The following JMJD1C variants were observed in gnomAD, a reference collection of about 807,000 sequenced individuals.
JMJD1C encodes the protein jumonji domain containing 1C.
In JMJD1C, 31 loss-of-function variants were observed where a neutral mutation model predicts 245.3. The ratio of observed to expected loss-of-function variants is 0.13; its 90% CI spans 0.09 to 0.17. The LOEUF is 0.17. Ranked by LOEUF, JMJD1C falls within the 10% of genes least tolerant of loss-of-function variation. The probability of loss-of-function intolerance (pLI) is 1.00; values close to 1 mark genes in which losing one functional copy is unlikely to be tolerated. For synonymous variants in JMJD1C, 1,057 were observed against 1,017.4 expected (o/e 1.04, Z -0.74); for missense variants, 2,691 against 3,000.2 (o/e 0.90, Z 2.41).
At chr10:63,211,286 G>C (rs1326372822) in intron 8 of JMJD1C, among the ~76,000 whole-genome samples, 1 of 151,924 alleles carries the variant, frequency 6.6e-6, no homozygotes, top group Non-Finnish European at 1.5e-5. Context: ...CCAGCATAGT[G>C]AAACCTCGTT....
At chr10:63,249,327 AAAC>A (rs1205151024) in intron 3 of JMJD1C, among the ~76,000 whole-genome samples, 7 of 152,174 alleles carry the variant, frequency 4.6e-5, no homozygotes, top group Admixed American at 6.5e-5. Context: ...AGAAAAAACA[AAAC>A]AACAACAACA....
chr10:63,364,753 C>T (rs942011428), intron 2 of JMJD1C, among the ~76,000 whole-genome samples: 7 of 152,148 alleles, frequency 4.6e-5, no homozygotes, highest in African/African-American at 1.7e-4. Flanking sequence ...TCCCTAAGTG[C>T]TGGGAGTACA....
chr10:63,192,899 A>T, intron 16 of JMJD1C, 39 bp downstream of exon 16: 3 of 1,379,858 alleles, frequency 2.2e-6, no homozygotes, highest in Non-Finnish European at 3.1e-6. Context: ...GTTATACTAT[A>T]CTCCTCTCAC....
At chr10:63,283,323 G>A (rs9415685) in intron 2 of JMJD1C, among the ~76,000 whole-genome samples, 2,223 of 150,536 alleles carry the variant, frequency 0.015, 49 homozygotes, top group African/African-American at 0.051. Flanking sequence ...TTGGGGATCT[G>A]AAAGCTTCCC....
chr10:63,485,063 C>A (rs1206213222), intron 1 of JMJD1C, among the ~76,000 whole-genome samples: 2 of 151,034 alleles, frequency 1.3e-5, no homozygotes, highest in African/African-American at 4.9e-5. Flanking sequence ...GGTAACAACA[C>A]TAGCCTCATA....
In JMJD1C at chr10:63,270,473, C is replaced by CT. The variant is rs538368803; in HGVS notation, c.334-5710dup. Among the ~76,000 whole-genome samples the CT allele has an allele frequency of 9.1e-3, 1,328 of 145,148 alleles. 6 individuals carry two copies. The highest frequency in any genetic ancestry group is 0.047 in the Middle Eastern group (13 of 274). ...TGTGAGCCACTGTGTCCAGCCTCTTCTTTTTTTTTTTGAGACAGGATTTTG... is the reference window on the plus strand; with the variant it reads ...TGTGAGCCACTGTGTCCAGCCTCTTCTTTTTTTTTTTTGAGACAGGATTTTG... On this transcript the variant is annotated intron_variant, in intron 2 of 25. Coordinates refer to ENST00000399262, the MANE Select transcript of JMJD1C (RefSeq NM_032776.3).
intron 2 of JMJD1C, among the ~76,000 whole-genome samples, chr10:63,328,810 A>G (rs1941817449): frequency 6.6e-6 from 1 of 152,266 alleles, no homozygotes; most frequent in Non-Finnish European, 1.5e-5. Flanking sequence ...CTTTGCTAAA[A>G]AGAGGGCTGT....
chr10:63,411,905 ATTTTTTTTT>A (rs1174450794), intron 1 of JMJD1C, among the ~76,000 whole-genome samples: 1 of 126,198 alleles, frequency 7.9e-6, no homozygotes, highest in African/African-American at 3.0e-5. Flanking sequence ...GCCTGGCCCA[ATTTTTTTTT>A]TTTTTTTTTT....
chr10:63,446,119 C>A (rs1951706495), intron 1 of JMJD1C, among the ~76,000 whole-genome samples: 1 of 151,896 alleles, frequency 6.6e-6, no homozygotes, highest in South Asian at 2.1e-4. Context: ...AAGCAATGTA[C>A]CCGCCTTGGC....
intron 1 of JMJD1C, among the ~76,000 whole-genome samples, chr10:63,394,836 C>A (rs1297396297): frequency 8.7e-6 from 1 of 114,740 alleles, no homozygotes. Context: ...AAGAGTGAAA[C>A]TCCATCACAA....
At position 63,364,324 on chromosome 10, in the gene JMJD1C, T is replaced by G. The variant is rs557610244; in HGVS notation, c.333+15994A>C. Among the ~76,000 whole-genome samples the G allele has an allele frequency of 2.0e-3, 297 of 152,262 alleles. 2 individuals are homozygous for G. The highest frequency in any genetic ancestry group is 2.1e-3 in the Non-Finnish European group (143 of 68,006). The stretch of plus-strand genomic sequence containing the variant: ...CAAAACAAAAACCTAGTGCTGAGAT[T>G]ACAGGCGTGAAGCCTGGCCCAGTTT... On this transcript the variant is annotated intron_variant, in intron 2 of 25. Transcript: ENST00000399262.
chr10:63,434,818 C>CT (rs1950973037), intron 1 of JMJD1C, among the ~76,000 whole-genome samples: 1 of 152,164 alleles, frequency 6.6e-6, no homozygotes, highest in African/African-American at 2.4e-5. Flanking sequence ...GTGAAATTCT[C>CT]TAAGTTCACC....
rs571138800 is a variant in JMJD1C, at chr10:63,454,962, T to C, written c.168+10533A>G. Reference sequence around the variant, plus strand: ...TTCATAAGTTGAATTGTGTAGTTCCTGTTGTATTGTATCGCAACACCTATA... The same window carrying C: ...TTCATAAGTTGAATTGTGTAGTTCCCGTTGTATTGTATCGCAACACCTATA... On this transcript the variant is annotated intron_variant, in intron 1 of 25. Coordinates refer to ENST00000399262, the MANE Select transcript of JMJD1C (RefSeq NM_032776.3). 4.6e-5 allele frequency among the ~76,000 whole-genome samples: 7 copies of C among 152,300 alleles called. No homozygotes were observed. The South Asian group carries it at 1.4e-3, about 32-fold the overall frequency.
At chr10:63,400,395 A>T (rs756015855) in intron 1 of JMJD1C, among the ~76,000 whole-genome samples, 3 of 152,066 alleles carry the variant, frequency 2.0e-5, no homozygotes, top group Non-Finnish European at 4.4e-5. Flanking sequence ...AGTCTCACCA[A>T]TTGGGTGTGT....
chr10:63,262,668 GA>G (rs1854935114), intron 3 of JMJD1C, among the ~76,000 whole-genome samples: 1 of 152,184 alleles, frequency 6.6e-6, no homozygotes, highest in Non-Finnish European at 1.5e-5. Flanking sequence ...ACTTCTGGAA[GA>G]TATGGCATCC....
intron 2 of JMJD1C, among the ~76,000 whole-genome samples, chr10:63,313,876 C>T (rs1939574941): frequency 6.6e-6 from 1 of 152,212 alleles, no homozygotes. Context: ...TTCTCCCACT[C>T]AGTGGGTTGC....
intron 10 of JMJD1C, among the ~76,000 whole-genome samples, chr10:63,201,454 A>C (rs1845990952): frequency 6.6e-6 from 1 of 152,222 alleles, no homozygotes; most frequent in Admixed American, 6.5e-5. Context: ...TATGTGAAAA[A>C]AAAATCAACT....
chr10:63,246,382 T>C (rs1028936257), intron 3 of JMJD1C, among the ~76,000 whole-genome samples: 8 of 152,100 alleles, frequency 5.3e-5, no homozygotes, highest in African/African-American at 1.9e-4. Flanking sequence ...TCAATGGAAA[T>C]CATACAGGTA....
chr10:63,332,381 G>A (rs962381372), intron 2 of JMJD1C, among the ~76,000 whole-genome samples: 5 of 152,198 alleles, frequency 3.3e-5, no homozygotes, highest in Non-Finnish European at 7.3e-5. Flanking sequence ...TAATTCAGAT[G>A]CAGACATCTC....
Sources: allele counts gnomAD v4.1 joint callset (sites outside exome capture counted in the v4.1 genomes callset), GRCh38; gene constraint gnomAD v4.1.1; transcripts MANE v1.5; gene names NCBI Gene and HGNC (gene_info 2026-07-23, HGNC 2026-07-21).